DBF4: variants seen among roughly 807,000 people sequenced by gnomAD.
DBF4 encodes DBF4-CDC7 kinase regulatory subunit.
In DBF4, 25 loss-of-function variants were observed where a neutral mutation model predicts 76.6. The ratio of observed to expected loss-of-function variants is 0.33; its 90% CI spans 0.24 to 0.46. The LOEUF is 0.46. Among genes scored for constraint, DBF4 ranks in the 20% least tolerant of loss-of-function variants. DBF4 has a pLI of 1.00. For synonymous variants in DBF4, 213 were observed against 258.0 expected (o/e 0.83, Z 1.67); for missense variants, 638 against 760.8 (o/e 0.84, Z 1.90).
intron 3 of DBF4, 165 bp downstream of exon 3, chr7:87,885,323 T>G (rs565102772): frequency 1.9e-6 from 1 of 540,470 alleles, no homozygotes; most frequent in Non-Finnish European, 3.2e-6. Flanking sequence ...TTTAGGAAGG[T>G]GGGTTTTTCC....
intron 11 of DBF4, 108 bp downstream of exon 11, chr7:87,904,524 G>C (rs1193705498): frequency 7.6e-7 from 1 of 1,321,672 alleles, no homozygotes; most frequent in Admixed American, 2.8e-5. Context: ...TGGATCACTT[G>C]AGGTCAGGAG....
intron 2 of DBF4, among the ~76,000 whole-genome samples, chr7:87,883,649 AGAAAT>A (rs1839273517): frequency 6.6e-6 from 1 of 152,208 alleles, no homozygotes; most frequent in Non-Finnish European, 1.5e-5. Flanking sequence ...TGGTCGGAAA[AGAAAT>A]GATTTGCACT....
intron 2 of DBF4, among the ~76,000 whole-genome samples, chr7:87,884,646 A>G (rs1839298494): frequency 6.6e-6 from 1 of 152,254 alleles, no homozygotes; most frequent in South Asian, 2.1e-4. Context: ...TTGTGCTGTT[A>G]TAGGAGCTCT....
intron 8 of DBF4, among the ~76,000 whole-genome samples, chr7:87,898,750 C>T (rs899686871): frequency 4.1e-5 from 6 of 145,538 alleles, no homozygotes; most frequent in African/African-American, 1.5e-4. Context: ...GAGATCACGC[C>T]ACTACACTTC....
intron 10 of DBF4, among the ~76,000 whole-genome samples, chr7:87,902,001 T>G (rs1335507339): frequency 6.6e-6 from 1 of 151,674 alleles, no homozygotes; most frequent in African/African-American, 2.4e-5. Flanking sequence ...AAACTATGAT[T>G]AGTCTAAAAT....
rs527539351 is a variant in DBF4 at position 87,885,256 on chromosome 7, A to C, written c.399+98A>C. ...GTGGCAGTAGAGTTTACTTATGTAG[A>C]ACATTTGCAAAGCCACATGATGTGT... is the stretch of plus-strand genomic sequence containing the variant. On this transcript the variant is annotated intron_variant, in intron 3 of 11. Transcript: ENST00000265728. The C allele has an allele frequency of 5.8e-6, 6 of 1,033,206 alleles. No individual in the cohort carries two copies. The South Asian group carries it at 1.1e-4, about 19-fold the overall frequency. The allele number at this position is 1,033,206 out of a possible 1,614,324, so 64.0% of individuals were successfully genotyped here. A position where few individuals can be genotyped will look rare whatever the true frequency, so the allele number is the denominator to read the frequency against.
At chr7:87,901,461 G>A (rs1426135819) in intron 10 of DBF4, among the ~76,000 whole-genome samples, 1 of 152,188 alleles carries the variant, frequency 6.6e-6, no homozygotes, top group East Asian at 1.9e-4. Context: ...TTAAAGGTGG[G>A]ACCAAGAGGA....
chr7:87,900,878 T>C lies in DBF4; in HGVS notation c.924T>C (p.Thr308=), dbSNP rs776936317. The C allele has an allele frequency of 1.4e-5, 22 of 1,607,092 alleles. No individual in the cohort carries two copies. Among genetic ancestry groups the C allele is most frequent in the African/African-American group, 2.7e-5 (2 of 74,582 alleles). Residue 308 remains threonine (T), a splice_region_variant and synonymous_variant, in exon 10 of 12, where the codon ACT becomes ACC. Coordinates refer to ENST00000265728, the MANE Select transcript of DBF4 (RefSeq NM_006716.4). The part of the protein sequence containing the change: ...CCLQKYEDLE[T]HLLSEQHRNF... ...TGCAGAAATATGAAGATCTAGAAAC[T>C]GTAAATGTGATTTTATATTTTGGGG... is the stretch of plus-strand genomic sequence containing the variant.
chr7:87,888,733 A>T lies in DBF4; in HGVS notation c.597+674A>T, dbSNP rs991316066. On this transcript the variant is annotated intron_variant, in intron 6 of 11. Coordinates refer to ENST00000265728, the MANE Select transcript of DBF4 (RefSeq NM_006716.4). ...ATACTTCCCATTCACTTTTCAACCT[A>T]CAAGGTATAAAACTTCTGACCAGTT... 3.9e-5 allele frequency among the ~76,000 whole-genome samples: 6 copies of T among 152,222 alleles called. 1 individual carries two copies. The highest frequency in any genetic ancestry group is 3.9e-4 in the Admixed American group (6 of 15,278).
chr7:87,904,521 C>A (rs1839868288), intron 11 of DBF4, 105 bp downstream of exon 11: 2 of 1,376,970 alleles, frequency 1.5e-6, no homozygotes, highest in Non-Finnish European at 9.7e-7. Context: ...AGTTGGATCA[C>A]TTGAGGTCAG....
intron 2 of DBF4, among the ~76,000 whole-genome samples, chr7:87,882,023 A>G (rs908334254): frequency 4.6e-5 from 7 of 152,230 alleles, no homozygotes; most frequent in Non-Finnish European, 7.4e-5. Flanking sequence ...ACAGCAAACA[A>G]AATTATATTA....
Position 87,907,507 on chromosome 7 carries a change from A to G in DBF4, c.1369A>G (p.Lys457Glu). ...TACACAGCTACCTCTACATAAAAAC[A>G]AACAGGAATGCATTCTTGACATTTC... ...NFTQLPLHKN[K>E]QECILDISEH... The change falls in exon 12 of 12, where the codon AAA becomes GAA. Residue 457 changes from lysine to glutamate, a missense_variant. By Grantham distance (56) the Lys-to-Glu change is moderately conservative (BLOSUM62 1). Transcript: ENST00000265728. The G allele has an allele frequency of 6.2e-7, 1 of 1,614,058 alleles. No individual in the cohort carries two copies.
chr7:87,880,249 A>G (rs1373119762), intron 2 of DBF4, among the ~76,000 whole-genome samples: 1 of 152,210 alleles, frequency 6.6e-6, no homozygotes, highest in African/African-American at 2.4e-5. Flanking sequence ...GGTAATTGCA[A>G]GAAACAAATT....
chr7:87,887,863 C>A, intron 5 of DBF4, 120 bp from the exon 6 acceptor site: 4 of 982,598 alleles, frequency 4.1e-6, no homozygotes, highest in South Asian at 3.7e-5. Context: ...ACATTCAGAC[C>A]ATAGCATAAG....
At chr7:87,887,038 G>A (rs1839372801) in intron 4 of DBF4, 144 bp downstream of exon 4, 1 of 634,834 alleles carries the variant, frequency 1.6e-6, no homozygotes, top group African/African-American at 1.9e-5. Flanking sequence ...ACAAAGTAAA[G>A]AACTTACTTT....
chr7:87,897,312 C>T lies in DBF4; in HGVS notation c.653C>T (p.Pro218Leu), dbSNP rs1229260094. The T allele has an allele frequency of 1.9e-6, 3 of 1,611,612 alleles. No individual in the cohort carries two copies. In the African/African-American group the frequency reaches 4.0e-5, roughly 22 times the overall value. Residue 218 changes from proline to leucine, a missense_variant, in exon 8 of 12, where the codon CCT (proline) becomes CTT (leucine). Physicochemically the swap from Pro to Leu is moderately conservative, Grantham distance 98. Transcript: ENST00000265728. ...TCTCAAGCAGGAAGACTCAAAAAGC[C>T]TTTTGTAAAGGTGGAAGATATGAGC... ...QKTRTGRLKK[P>L]FVKVEDMSQL... is the part of the protein sequence containing the mutation.
intron 2 of DBF4, among the ~76,000 whole-genome samples, chr7:87,882,954 C>G (rs1457602627): frequency 6.6e-6 from 1 of 152,064 alleles, no homozygotes; most frequent in East Asian, 1.9e-4. Context: ...CCATTTCTGG[C>G]TATACATACA....
Position 87,885,970 on chromosome 7 carries a change from T to G in DBF4, c.399+812T>G, listed in dbSNP as rs189928605. 7.2e-4 allele frequency among the ~76,000 whole-genome samples: 109 copies of G among 152,354 alleles called. 1 individual carries two copies. The highest frequency in any genetic ancestry group is 1.2e-4 in the Non-Finnish European group (8 of 68,026). ...TTTAGGTTGAAGTGTAATTAAGTTA[T>G]TATTTTACAATATTCTCCTCGACTT... On this transcript the variant is annotated intron_variant, in intron 3 of 11. Coordinates refer to ENST00000265728, the MANE Select transcript of DBF4 (RefSeq NM_006716.4).
In DBF4 at chr7:87,897,223, CAGT is replaced by C. The variant is rs1839663972; in HGVS notation, c.635-67_635-65del. On this transcript the variant is annotated intron_variant, in intron 7 of 11. Transcript: ENST00000265728. ...TTGTTTGGAGGGTTTTGTTTTGCCACAGTAGTTTTATTAAAAAAAAAAAAGAAT... is the reference window on the plus strand; with the variant it reads ...TTGTTTGGAGGGTTTTGTTTTGCCACAGTTTTATTAAAAAAAAAAAAGAAT... 5.7e-6 allele frequency: 8 copies of C among 1,415,670 alleles called. No homozygotes were observed. In the South Asian group the frequency reaches 8.8e-5, roughly 16 times the overall value. 87.7% of individuals were successfully genotyped at this position (1,415,670 alleles called of 1,614,324 possible). A position where few individuals can be genotyped will look rare whatever the true frequency, so the allele number is the denominator to read the frequency against.
Sources: allele counts gnomAD v4.1 joint callset (sites outside exome capture counted in the v4.1 genomes callset), GRCh38; gene constraint gnomAD v4.1.1; transcripts MANE v1.5; gene names NCBI Gene and HGNC (gene_info 2026-07-23, HGNC 2026-07-21).